SEC11A: variants seen among roughly 807,000 people sequenced by gnomAD.
The protein encoded by SEC11A is SEC11 homolog A, signal peptidase complex subunit, also known as signal peptidase complex catalytic subunit SEC11A.
A neutral mutation model predicts 25.6 loss-of-function variants in SEC11A; 14 were observed. The observed-to-expected ratio is 0.55, with a 90% CI of 0.36 to 0.85. SEC11A has a LOEUF of 0.85. SEC11A is among the 40% of genes least tolerant of loss of function. SEC11A has a pLI of 0.01. For synonymous variants in SEC11A, 83 were observed against 76.4 expected (o/e 1.09, Z -0.45); for missense variants, 153 against 222.9 (o/e 0.69, Z 2.00).
At chr15:84,709,422 T>C (rs1212876807) in intron 1 of SEC11A, among the ~76,000 whole-genome samples, 1 of 151,976 alleles carries the variant, frequency 6.6e-6, no homozygotes. Context: ...AAGAACTCTG[T>C]TTGTATTTGT....
chr15:84,683,929 C>G (rs774723852), intron 3 of SEC11A, among the ~76,000 whole-genome samples: 1 of 151,992 alleles, frequency 6.6e-6, no homozygotes, highest in Non-Finnish European at 1.5e-5. Flanking sequence ...GGAACAAGGA[C>G]CAAATATTTA....
intron 1 of SEC11A, among the ~76,000 whole-genome samples, chr15:84,702,190 G>A (rs1196198575): frequency 6.6e-6 from 1 of 151,962 alleles, no homozygotes; most frequent in South Asian, 2.1e-4. Context: ...GCTGGGCGCA[G>A]TGGCTCACAC....
chr15:84,679,457 C>G (rs946208038), intron 4 of SEC11A, among the ~76,000 whole-genome samples: 1 of 152,212 alleles, frequency 6.6e-6, no homozygotes, highest in Non-Finnish European at 1.5e-5. Flanking sequence ...CGTGCTGTAA[C>G]TGAGGAAGCT....
chr15:84,692,328 G>C (rs748441591), intron 1 of SEC11A, among the ~76,000 whole-genome samples: 1 of 151,900 alleles, frequency 6.6e-6, no homozygotes, highest in African/African-American at 2.4e-5. Context: ...CACCACACCC[G>C]GCCCTCTATT....
intron 4 of SEC11A, chr15:84,671,363 TC>T (rs1213914122): frequency 6.6e-6 from 1 of 152,212 alleles, no homozygotes; most frequent in African/African-American, 2.4e-5. Flanking sequence ...TTCCTTTCCA[TC>T]TTGGCAGCAT....
chr15:84,702,815 G>C (rs1365230556), intron 1 of SEC11A, among the ~76,000 whole-genome samples: 1 of 152,140 alleles, frequency 6.6e-6, no homozygotes, highest in South Asian at 2.1e-4. Flanking sequence ...AATTCCACCA[G>C]ACATTTAAGG....
At chr15:84,684,391 G>A (rs1897360024) in intron 3 of SEC11A, among the ~76,000 whole-genome samples, 1 of 152,066 alleles carries the variant, frequency 6.6e-6, no homozygotes, top group Admixed American at 6.6e-5. Flanking sequence ...CCCTGCACAT[G>A]ACCTCTTGCC....
intron 4 of SEC11A, among the ~76,000 whole-genome samples, chr15:84,674,508 C>T (rs1355150405): frequency 6.6e-6 from 1 of 152,044 alleles, no homozygotes; most frequent in Non-Finnish European, 1.5e-5. Flanking sequence ...CCACAATCCT[C>T]AGCTCCCAGC....
chr15:84,673,012 G>T, intron 4 of SEC11A: 1 of 211,714 alleles, frequency 4.7e-6, no homozygotes. Flanking sequence ...GAGAAGTGAG[G>T]AGTCCCTCCG....
At chr15:84,684,979 G>A (rs1461780139) in intron 3 of SEC11A, among the ~76,000 whole-genome samples, 1 of 152,032 alleles carries the variant, frequency 6.6e-6, no homozygotes, top group Non-Finnish European at 1.5e-5. Flanking sequence ...ATCCTGACCA[G>A]ATATTTCAGT....
At chr15:84,672,448 TG>T (rs1897011464) in intron 4 of SEC11A, 1 of 161,288 alleles carries the variant, frequency 6.2e-6, no homozygotes, top group Admixed American at 6.5e-5. Flanking sequence ...CGTATTTTTT[TG>T]GTGGAGACGG....
At chr15:84,688,895 G>A (rs1176634608) in intron 2 of SEC11A, among the ~76,000 whole-genome samples, 2 of 152,082 alleles carry the variant, frequency 1.3e-5, no homozygotes, top group African/African-American at 2.4e-5. Context: ...GGTGAGCATG[G>A]TGGCGCACGC....
At chr15:84,679,225 C>T (rs765562066) in intron 4 of SEC11A, 10 of 1,203,750 alleles carry the variant, frequency 8.3e-6, no homozygotes, top group Admixed American at 4.6e-5. Context: ...TAAATAATCA[C>T]ATTAGCAGCA....
chr15:84,681,635 G>A lies in SEC11A; in HGVS notation c.312-803C>T, dbSNP rs545527824. Among the ~76,000 whole-genome samples the A allele has an allele frequency of 4.8e-4, 73 of 150,976 alleles. 2 individuals are homozygous for A. The South Asian group carries it at 0.013, about 26-fold the overall frequency. ...ACAGAGCGAGACTCCATCCCAAAAC[G>A]AAAAAAACAAAAAAACAAGAGAGTA... On this transcript the variant is annotated intron_variant, in intron 3 of 5. Transcript: ENST00000268220.
chr15:84,699,954 T>G (rs548007617), intron 1 of SEC11A, among the ~76,000 whole-genome samples: 3 of 151,654 alleles, frequency 2.0e-5, no homozygotes, highest in South Asian at 4.1e-4. Flanking sequence ...CCAGACAGAG[T>G]GGAAATCTTC....
chr15:84,678,974 G>A (rs1897213460), intron 4 of SEC11A, among the ~76,000 whole-genome samples: 1 of 149,446 alleles, frequency 6.7e-6, no homozygotes, highest in Non-Finnish European at 1.5e-5. Flanking sequence ...TAGCCTGGGT[G>A]ACAGAGCAAG....
chr15:84,709,306 A>G (rs983209639), intron 1 of SEC11A, among the ~76,000 whole-genome samples: 4 of 151,488 alleles, frequency 2.6e-5, no homozygotes, highest in Non-Finnish European at 5.9e-5. Context: ...AGCTGGTACT[A>G]CAGGTGCACC....
At chr15:84,695,088 T>C (rs1476991121) in intron 1 of SEC11A, among the ~76,000 whole-genome samples, 2 of 26,910 alleles carry the variant, frequency 7.4e-5, no homozygotes, top group African/African-American at 4.8e-4. Context: ...AGACTCCATC[T>C]AAAAAAAAAA....
intron 1 of SEC11A, among the ~76,000 whole-genome samples, chr15:84,693,731 G>T (rs772124414): frequency 6.6e-6 from 1 of 152,070 alleles, no homozygotes; most frequent in Non-Finnish European, 1.5e-5. Context: ...AAAGTGCTGG[G>T]ATGACAGATG....
Sources: allele counts gnomAD v4.1 joint callset (sites outside exome capture counted in the v4.1 genomes callset), GRCh38; gene constraint gnomAD v4.1.1; transcripts MANE v1.5; gene names NCBI Gene and HGNC (gene_info 2026-07-23, HGNC 2026-07-21).